SMAD3: variants seen among roughly 807,000 people sequenced by gnomAD.
SMAD3 encodes the protein SMAD family member 3, also known as MAD homolog 3.
In SMAD3, 12 loss-of-function variants were observed where a neutral mutation model predicts 51.8. The observed-to-expected ratio is 0.23, with a 90% CI of 0.15 to 0.38. The LOEUF is 0.38. SMAD3 is among the 10% of genes least tolerant of loss of function. The probability of loss-of-function intolerance (pLI) is 1.00; values close to 1 mark genes in which losing one functional copy is unlikely to be tolerated. For missense variants in SMAD3, 294 were observed against 565.6 expected (o/e 0.52, Z 4.87); for synonymous variants, 238 against 227.7 (o/e 1.05, Z -0.41).
chr15:67,140,306 T>C (rs2140263771), intron 1 of SMAD3, among the ~76,000 whole-genome samples: 1 of 152,076 alleles, frequency 6.6e-6, no homozygotes, highest in East Asian at 1.9e-4. Context: ...GAAAATGGAG[T>C]GGTGATAGCT....
intron 1 of SMAD3, among the ~76,000 whole-genome samples, chr15:67,157,619 G>T (rs1046853102): frequency 2.0e-5 from 3 of 152,210 alleles, no homozygotes; most frequent in Non-Finnish European, 4.4e-5. Flanking sequence ...CTTCTCCCCA[G>T]CCTCTGTGTT....
intron 1 of SMAD3, among the ~76,000 whole-genome samples, chr15:67,136,419 G>A (rs1232218236): frequency 1.3e-5 from 2 of 150,352 alleles, no homozygotes; most frequent in African/African-American, 4.9e-5. Flanking sequence ...TGCAACCTCC[G>A]CCTTCCGGAT....
intron 1 of SMAD3, among the ~76,000 whole-genome samples, chr15:67,100,451 A>G (rs1960725975): frequency 6.6e-6 from 1 of 152,072 alleles, no homozygotes. Context: ...GTGGTTGTAC[A>G]ATATTGTGAA....
At chr15:67,166,435 G>A (rs954982464) in intron 3 of SMAD3, 1 of 440,918 alleles carries the variant, frequency 2.3e-6, no homozygotes. Flanking sequence ...AAAGGGGTGA[G>A]GCGGAGGCAA....
chr15:67,115,819 A>G (rs1371935640), intron 1 of SMAD3, among the ~76,000 whole-genome samples: 1 of 152,232 alleles, frequency 6.6e-6, no homozygotes, highest in Admixed American at 6.5e-5. Context: ...AAATGCTAGG[A>G]GTCATGCATG....
chr15:67,144,628 T>C (rs920247303), intron 1 of SMAD3, among the ~76,000 whole-genome samples: 5 of 152,180 alleles, frequency 3.3e-5, no homozygotes, highest in African/African-American at 1.2e-4. Context: ...TAGCCAGTGG[T>C]TGATGTGTTC....
At chr15:67,120,177 C>A (rs1002122260) in intron 1 of SMAD3, among the ~76,000 whole-genome samples, 16 of 152,252 alleles carry the variant, frequency 1.1e-4, no homozygotes, top group African/African-American at 3.1e-4. Flanking sequence ...CTTGTTGTTT[C>A]TTTTGCTAGC....
intron 8 of SMAD3, among the ~76,000 whole-genome samples, chr15:67,188,569 G>A (rs962054241): frequency 6.6e-6 from 1 of 152,220 alleles, no homozygotes; most frequent in Admixed American, 6.5e-5. Context: ...ACCAAAGTTT[G>A]CGGAGAGGCA....
intron 1 of SMAD3, among the ~76,000 whole-genome samples, chr15:67,115,938 G>T (rs1040000403): frequency 5.3e-5 from 8 of 151,484 alleles, no homozygotes; most frequent in Non-Finnish European, 1.0e-4. Flanking sequence ...GGAGTAATCA[G>T]AAGAGCATGT....
chr15:67,133,454 T>G (rs1961579592), intron 1 of SMAD3, among the ~76,000 whole-genome samples: 1 of 152,116 alleles, frequency 6.6e-6, no homozygotes. Flanking sequence ...TGCGTTTCTG[T>G]TTGCCTCTAA....
At chr15:67,166,722 G>A in intron 3 of SMAD3, 57 bp from the exon 4 acceptor site, 2 of 1,187,162 alleles carry the variant, frequency 1.7e-6, no homozygotes, top group South Asian at 1.3e-5. Flanking sequence ...TGCAAAAGGT[G>A]TCTCAGAGCC....
At chr15:67,151,374 C>G (rs1797977632) in intron 1 of SMAD3, among the ~76,000 whole-genome samples, 1 of 151,550 alleles carries the variant, frequency 6.6e-6, no homozygotes, top group Non-Finnish European at 1.5e-5. Context: ...TCTCTGTTGC[C>G]CAGGCTGGAG....
chr15:67,169,420 A>C (rs1962681638), intron 4 of SMAD3, among the ~76,000 whole-genome samples: 1 of 152,186 alleles, frequency 6.6e-6, no homozygotes, highest in Non-Finnish European at 1.5e-5. Context: ...TGCTGGACCC[A>C]GTCTCAGGAC....
In SMAD3 at chr15:67,191,145, A is replaced by C. The variant is rs564556206; in HGVS notation, c.*609A>C. 1 of 233,296 alleles carries C rather than the reference A, an allele frequency of 4.3e-6. No homozygotes were observed. Among genetic ancestry groups the C allele is most frequent in the African/African-American group, 2.2e-5 (1 of 45,084 alleles). The allele number at this position is 233,296 out of a possible 1,614,324, so 14.5% of individuals were successfully genotyped here. On this transcript the variant is annotated 3_prime_UTR_variant, in exon 9 of 9. Transcript: ENST00000327367. The stretch of plus-strand genomic sequence containing the variant: ...GTCTGTCTCCCTCCCCTCTCAGAAC[A>C]TACTGATTGGGAGGTGCGTGTTCAG...
chr15:67,075,053 T>C (rs1960139517), intron 1 of SMAD3, among the ~76,000 whole-genome samples: 1 of 151,994 alleles, frequency 6.6e-6, no homozygotes, highest in Non-Finnish European at 1.5e-5. Context: ...TTGAAAATAG[T>C]AATGCTTTTT....
rs1393247331 is a variant in SMAD3 at position 67,182,984 on chromosome 15, A to AT, written c.871+1533dup. On this transcript the variant is annotated intron_variant, in intron 6 of 8. Coordinates refer to ENST00000327367, the MANE Select transcript of SMAD3 (RefSeq NM_005902.4). ...TGCAACTGGCTTTTTTCTATATTTT[A>AT]TTAAAAAAAAAAAAAAATATATATA... Among the ~76,000 whole-genome samples the AT allele has an allele frequency of 2.7e-3, 124 of 45,620 alleles. 2 individuals carry two copies. Among genetic ancestry groups the AT allele is most frequent in the African/African-American group, 0.011 (118 of 10,918 alleles). The allele number at this position is 45,620 out of a possible 152,430, so 29.9% of individuals were successfully genotyped here. A position where few individuals can be genotyped will look rare whatever the true frequency, so the allele number is the denominator to read the frequency against.
intron 1 of SMAD3, among the ~76,000 whole-genome samples, chr15:67,163,129 A>G (rs767060223): frequency 1.3e-5 from 2 of 152,022 alleles, no homozygotes; most frequent in African/African-American, 4.8e-5. Context: ...GCCCGCCACC[A>G]TGCCTGGCTG....
intron 1 of SMAD3, among the ~76,000 whole-genome samples, chr15:67,110,302 A>G (rs560469944): frequency 1.3e-5 from 2 of 152,304 alleles, no homozygotes; most frequent in South Asian, 2.1e-4. Context: ...CATTCGAGGG[A>G]GAATCACCAC....
chr15:67,067,675 A>T (rs1429374112), intron 1 of SMAD3, among the ~76,000 whole-genome samples: 1 of 152,164 alleles, frequency 6.6e-6, no homozygotes, highest in Non-Finnish European at 1.5e-5. Context: ...CCTGGAAATA[A>T]ATGCCACATA....
Sources: gnomAD v4.1 joint callset for allele counts (sites outside exome capture counted in the v4.1 genomes callset) on GRCh38, gnomAD v4.1.1 for gene constraint, MANE v1.5 for transcripts, NCBI Gene and HGNC (gene_info 2026-07-23, HGNC 2026-07-21) for gene names.